Variants in CSGALNACT1 observed in about 807,000 individuals in gnomAD.
CSGALNACT1 encodes chondroitin sulfate N-acetylgalactosaminyltransferase 1, also known as beta4GalNAcT-1.
A neutral mutation model predicts 51.0 loss-of-function variants in CSGALNACT1; 52 were observed. The ratio of observed to expected loss-of-function variants is 1.02; its 90% confidence interval spans 0.82 to 1.29. CSGALNACT1 has a LOEUF of 1.29. Among genes scored for constraint, CSGALNACT1 ranks in the 50% most tolerant of loss-of-function variants. CSGALNACT1 has a pLI of 0.00. For synonymous variants in CSGALNACT1, 341 were observed against 254.4 expected, an observed-to-expected ratio of 1.34 and a Z score of -3.24; for missense variants, 935 against 679.2, an observed-to-expected ratio of 1.38 and a Z score of -4.19.
At chr8:19,670,058 T>C (rs78667573) in intron 1 of CSGALNACT1, among the ~76,000 whole-genome samples, 1 of 152,180 alleles carries the variant, frequency 6.6e-6, no homozygotes, top group Non-Finnish European at 1.5e-5. Context: ...AAATTCCTAA[T>C]TCTGTAGTTC....
intron 1 of CSGALNACT1, among the ~76,000 whole-genome samples, chr8:19,727,737 C>T (rs1006322725): frequency 3.9e-5 from 6 of 151,980 alleles, no homozygotes; most frequent in Admixed American, 2.0e-4. Context: ...TCCCTAACAC[C>T]ATGGCTGGGT....
At chr8:19,514,076 C>A (rs1247224770) in intron 3 of CSGALNACT1, among the ~76,000 whole-genome samples, 1 of 152,156 alleles carries the variant, frequency 6.6e-6, no homozygotes, top group East Asian at 1.9e-4. Context: ...TAGCATCTAT[C>A]TATGGGCCAA....
chr8:19,673,724 T>C (rs1589429844), intron 1 of CSGALNACT1, among the ~76,000 whole-genome samples: 1 of 152,224 alleles, frequency 6.6e-6, no homozygotes, highest in East Asian at 1.9e-4. Context: ...GTCAACATCT[T>C]AGCACACTTG....
At chr8:19,561,218 T>G (rs2040633717) in intron 3 of CSGALNACT1, among the ~76,000 whole-genome samples, 1 of 152,238 alleles carries the variant, frequency 6.6e-6, no homozygotes, top group Admixed American at 6.5e-5. Context: ...ATGGACAATC[T>G]GTCAATCTTC....
intron 1 of CSGALNACT1, among the ~76,000 whole-genome samples, chr8:19,666,983 GAAAGAAAGAAAGAAAGAAAGAAAGA>G (rs2059346106): frequency 7.9e-4 from 15 of 18,896 alleles, no homozygotes; most frequent in South Asian, 2.1e-3. Flanking sequence ...AAGAAAGAAA[GAAAGAAAGAAAGAAAGAAAGAAAGA>G]AAGAAAGAAA....
intron 3 of CSGALNACT1, among the ~76,000 whole-genome samples, chr8:19,541,082 G>C (rs1305287852): frequency 6.7e-6 from 1 of 148,452 alleles, no homozygotes; most frequent in African/African-American, 2.5e-5. Context: ...TTTTCTCTGG[G>C]TGATAATTTT....
At chr8:19,652,940 C>G (rs1329258471) in intron 1 of CSGALNACT1, among the ~76,000 whole-genome samples, 1 of 152,200 alleles carries the variant, frequency 6.6e-6, no homozygotes, top group Non-Finnish European at 1.5e-5. Flanking sequence ...CGCTCTTTCC[C>G]TCTACCCTCA....
chr8:19,742,814 G>A (rs1027653809), intron 1 of CSGALNACT1, among the ~76,000 whole-genome samples: 9 of 152,140 alleles, frequency 5.9e-5, no homozygotes, highest in South Asian at 2.1e-4. Context: ...AAATGTCATC[G>A]TCTATCAGGG....
chr8:19,636,341 A>AAT (rs903513698), intron 1 of CSGALNACT1, among the ~76,000 whole-genome samples: 9 of 152,156 alleles, frequency 5.9e-5, no homozygotes, highest in African/African-American at 2.2e-4. Flanking sequence ...AAAACACTAT[A>AAT]ATATATATTA....
chr8:19,539,297 A>G (rs1230815975), intron 3 of CSGALNACT1, among the ~76,000 whole-genome samples: 2 of 152,210 alleles, frequency 1.3e-5, no homozygotes, highest in African/African-American at 4.8e-5. Flanking sequence ...CTCATTCTAC[A>G]TAACTACAAG....
chr8:19,466,474 C>A (rs7002357), intron 4 of CSGALNACT1, among the ~76,000 whole-genome samples: 117,983 of 152,116 alleles, frequency 0.78, 45,998 homozygotes, highest in East Asian at 0.86. Flanking sequence ...AAAAAGGAAC[C>A]GGTAAATGCT....
At chr8:19,453,320 C>A (rs1213619734) in intron 5 of CSGALNACT1, among the ~76,000 whole-genome samples, 1 of 152,090 alleles carries the variant, frequency 6.6e-6, no homozygotes, top group South Asian at 2.1e-4. Flanking sequence ...AATAAATCAA[C>A]AGCCAAAATG....
At chr8:19,512,366 C>T (rs1048691583) in intron 3 of CSGALNACT1, among the ~76,000 whole-genome samples, 3 of 152,182 alleles carry the variant, frequency 2.0e-5, no homozygotes, top group Non-Finnish European at 2.9e-5. Flanking sequence ...CAACCCTGAA[C>T]GAAAACTATC....
At chr8:19,625,748 A>T (rs4922070) in intron 1 of CSGALNACT1, among the ~76,000 whole-genome samples, 3 of 152,104 alleles carry the variant, frequency 2.0e-5, no homozygotes, top group Non-Finnish European at 4.4e-5. Context: ...GGCTTAAGAG[A>T]GGGGGCCTTA....
intron 4 of CSGALNACT1, among the ~76,000 whole-genome samples, chr8:19,471,291 A>G (rs12543919): frequency 0.024 from 3,615 of 152,218 alleles, 164 homozygotes; most frequent in African/African-American, 0.083. Context: ...AGCCTACCCT[A>G]AGGGGTGAAT....
At chr8:19,529,437 C>A (rs546421897) in intron 3 of CSGALNACT1, among the ~76,000 whole-genome samples, 58 of 152,218 alleles carry the variant, frequency 3.8e-4, no homozygotes, top group Middle Eastern at 3.4e-3. Context: ...AGGCTGGTGG[C>A]AAACAAGTAG....
At chr8:19,496,730 G>C (rs960672889) in intron 4 of CSGALNACT1, among the ~76,000 whole-genome samples, 1 of 152,154 alleles carries the variant, frequency 6.6e-6, no homozygotes, top group Non-Finnish European at 1.5e-5. Context: ...TTGCTTGGTG[G>C]GGCAGATACA....
chr8:19,740,409 C>G (rs1260886967), intron 1 of CSGALNACT1, among the ~76,000 whole-genome samples: 2 of 152,228 alleles, frequency 1.3e-5, no homozygotes, highest in Non-Finnish European at 1.5e-5. Flanking sequence ...AGCACCCCCA[C>G]AACCCTTCCT....
At chr8:19,505,756 A>G in exon 4 of CSGALNACT1, 1 of 1,614,102 alleles carries the variant, frequency 6.2e-7, no homozygotes, top group South Asian at 1.1e-5. Flanking sequence ...TACAGGACAG[A>G]GATAGCACAG....
Sources: allele counts gnomAD v4.1 joint callset (sites outside exome capture counted in the v4.1 genomes callset), GRCh38; gene constraint gnomAD v4.1.1; transcripts MANE v1.5; gene names NCBI Gene and HGNC (gene_info 2026-07-23, HGNC 2026-07-21).